PIEZO1: variants seen among roughly 807,000 people sequenced by gnomAD.
PIEZO1 encodes the protein piezo-type mechanosensitive ion channel component 1.
PIEZO1 carries 296 observed loss-of-function variants against 297.2 expected under a neutral mutation model. The ratio of observed to expected loss-of-function variants is 1.00; its 90% CI spans 0.91 to 1.10. The LOEUF is 1.10. Ranked by LOEUF, PIEZO1 falls within the 50% of genes least tolerant of loss-of-function variation. The pLI, the probability that PIEZO1 is intolerant of heterozygous loss-of-function variation, is 0.00. For synonymous variants in PIEZO1, 2,427 were observed against 1,507.5 expected (o/e 1.61, Z -14.13); for missense variants, 5,018 against 3,455.5 (o/e 1.45, Z -11.34).
At chr16:88,776,438 A>G (rs1476423709) in intron 1 of PIEZO1, among the ~76,000 whole-genome samples, 1 of 152,002 alleles carries the variant, frequency 6.6e-6, no homozygotes, top group Non-Finnish European at 1.5e-5. Flanking sequence ...TGTCTCAAAA[A>G]AAAAAAAGAA....
Position 88,720,156 on chromosome 16 carries a change from G to C in PIEZO1, c.6077C>G (p.Thr2026Ser), listed in dbSNP as rs1318182400. 1.9e-6 allele frequency: 3 copies of C among 1,550,484 alleles called. No homozygotes were observed. The highest frequency in any genetic ancestry group is 2.4e-5 in the South Asian group (2 of 84,070). Reference sequence around the variant, plus strand: ...CTGGAAGGCCAGCTTGCCCAGCACGGTCTTGCGCAGGTAGAGGGCGCGGTC... The same window carrying C: ...CTGGAAGGCCAGCTTGCCCAGCACGCTCTTGCGCAGGTAGAGGGCGCGGTC... ...VVDRALYLRK[T>S]VLGKLAFQVA... Residue 2026 changes from threonine (T) to serine (S), a missense_variant, in exon 42 of 51, where the codon ACC (threonine) becomes AGC (serine). Coordinates refer to ENST00000301015, the MANE Select transcript of PIEZO1 (RefSeq NM_001142864.4).
chr16:88,778,984 G>T (rs1907803608), intron 1 of PIEZO1, among the ~76,000 whole-genome samples: 1 of 152,066 alleles, frequency 6.6e-6, no homozygotes. Flanking sequence ...GAACAGGGGA[G>T]GACAGAGGTT....
At chr16:88,782,886 CT>C (rs1318858932) in intron 1 of PIEZO1, among the ~76,000 whole-genome samples, 1 of 152,242 alleles carries the variant, frequency 6.6e-6, no homozygotes, top group Admixed American at 6.5e-5. Context: ...CCACTTCCAT[CT>C]CCCCCAGGTG....
chr16:88,776,523 C>A (rs1233169530), intron 1 of PIEZO1, among the ~76,000 whole-genome samples: 1 of 152,152 alleles, frequency 6.6e-6, no homozygotes, highest in Non-Finnish European at 1.5e-5. Context: ...AGGGGCCCCA[C>A]TAGCTGCCCC....
intron 6 of PIEZO1, 51 bp downstream of exon 6, chr16:88,738,517 C>A: frequency 7.0e-6 from 1 of 143,240 alleles, no homozygotes; most frequent in Non-Finnish European, 8.6e-6. Flanking sequence ...TCAGGGAACT[C>A]CCAAGACCCC....
At chr16:88,732,215 A>ATGTGG in intron 21 of PIEZO1, 120 bp downstream of exon 21, 1 of 831,912 alleles carries the variant, frequency 1.2e-6, no homozygotes, top group Admixed American at 2.2e-5. Flanking sequence ...TGAGTCCCCC[A>ATGTGG]CCCTCTGTGG....
rs2142751200 is a variant in PIEZO1 at position 88,717,067 on chromosome 16, G to A, written c.6616C>T (p.Gln2206Ter). 1.3e-6 allele frequency: 2 copies of A among 1,550,970 alleles called. No individual in the cohort carries two copies. Among genetic ancestry groups the A allele is most frequent in the Non-Finnish European group, 1.7e-6 (2 of 1,147,064 alleles). ...AGGGTGACGGTGACATCGATGGGCTGGTTGACAACCCCAACCACGGAGCGC... is the reference window on the plus strand; with the variant it reads ...AGGGTGACGGTGACATCGATGGGCTAGTTGACAACCCCAACCACGGAGCGC... ...LVRSVVGVVNQPIDVTVTLKL... is the reference protein window; with the variant it reads ...LVRSVVGVVN The change falls in exon 45 of 51, where the codon CAG (glutamine) becomes TAG (stop). Residue 2206 changes from glutamine (Q) to a stop codon, truncating the protein, a stop_gained. Coordinates refer to ENST00000301015, the MANE Select transcript of PIEZO1 (RefSeq NM_001142864.4). LOFTEE classifies it high-confidence loss of function.
chr16:88,715,898 C>T (rs950280724), intron 50 of PIEZO1, 35 bp downstream of exon 50: 82 of 1,537,850 alleles, frequency 5.3e-5, no homozygotes, highest in Non-Finnish European at 6.7e-5. Context: ...CGGAGCCCCC[C>T]GAGCTGCGGG....
At chr16:88,762,891 T>C (rs564428806) in intron 1 of PIEZO1, among the ~76,000 whole-genome samples, 2 of 152,284 alleles carry the variant, frequency 1.3e-5, no homozygotes, top group African/African-American at 4.8e-5. Flanking sequence ...CCACAGGCTC[T>C]TTCCTGAGAC....
In PIEZO1 at chr16:88,755,789, C is replaced by G. The variant is rs147054352; in HGVS notation, c.65-6310G>C. Among the ~76,000 whole-genome samples, 183 of 152,296 alleles carry G rather than the reference C, an allele frequency of 1.2e-3. 5 individuals are homozygous for G. The East Asian group carries it at 0.033, about 28-fold the overall frequency. ...CCCAGGCCAAGAGCTGCAGAGCGGC[C>G]TCACAGGAGAGCCTCGGGCGGTGGA... On this transcript the variant is annotated intron_variant, in intron 1 of 50. Coordinates refer to ENST00000301015, the MANE Select transcript of PIEZO1 (RefSeq NM_001142864.4).
chr16:88,717,044 G>C lies in PIEZO1; in HGVS notation c.6639C>G (p.Thr2213=). The C allele has an allele frequency of 6.4e-7, 1 of 1,550,726 alleles. No individual in the cohort carries two copies. Among genetic ancestry groups the C allele is most frequent in the Non-Finnish European group, 8.7e-7 (1 of 1,146,984 alleles). Residue 2213 remains threonine (T), a synonymous_variant, in exon 45 of 51, where the codon ACC becomes ACG. Coordinates refer to ENST00000301015, the MANE Select transcript of PIEZO1 (RefSeq NM_001142864.4). The part of the protein sequence containing the change: ...VVNQPIDVTV[T]LKLGGYEPLF... ...TCACCTCATAGCCGCCCAGCTTCAGGGTGACGGTGACATCGATGGGCTGGT... is the reference window on the plus strand; with the variant it reads ...TCACCTCATAGCCGCCCAGCTTCAGCGTGACGGTGACATCGATGGGCTGGT...
intron 1 of PIEZO1, among the ~76,000 whole-genome samples, chr16:88,770,999 C>T (rs565380760): frequency 6.6e-6 from 1 of 152,202 alleles, no homozygotes; most frequent in Admixed American, 6.5e-5. Flanking sequence ...CATCTGCAGG[C>T]GGGGCCTGGG....
Position 88,724,993 on chromosome 16 carries a change from G to A in PIEZO1, c.4234+16C>T. 6.9e-7 allele frequency: 1 copy of A among 1,447,416 alleles called. No individual in the cohort carries two copies. The highest frequency in any genetic ancestry group is 2.8e-5 in the East Asian group (1 of 35,160). 89.7% of individuals were successfully genotyped at this position (1,447,416 alleles called of 1,614,324 possible). Reference sequence around the variant, plus strand: ...GGGCCTGAGAGGGTGGCCACAGGCGGCCTAATTGGGGGTACCTGTGGCGTG... The same window carrying A: ...GGGCCTGAGAGGGTGGCCACAGGCGACCTAATTGGGGGTACCTGTGGCGTG... On this transcript the variant is annotated intron_variant, in intron 30 of 50. Transcript: ENST00000301015.
chr16:88,737,875 C>G, intron 8 of PIEZO1, 59 bp downstream of exon 8: 1 of 1,532,880 alleles, frequency 6.5e-7, no homozygotes, highest in Non-Finnish European at 8.7e-7. Flanking sequence ...GGCAGGAGGT[C>G]CTGAGACCAG....
Position 88,733,584 on chromosome 16 carries a change from T to A in PIEZO1, c.2487+4A>T. On this transcript the variant is annotated splice_donor_region_variant and intron_variant, in intron 18 of 50. Transcript: ENST00000301015. The stretch of plus-strand genomic sequence containing the variant: ...TGGGAAGCTGAGTTGCCTGCCACAC[T>A]CACCTCCTTCAGGGCCACCCAGACG... The A allele has an allele frequency of 1.3e-6, 2 of 1,538,998 alleles. No individual in the cohort carries two copies. Among genetic ancestry groups the A allele is most frequent in the Non-Finnish European group, 1.8e-6 (2 of 1,139,162 alleles).
intron 1 of PIEZO1, among the ~76,000 whole-genome samples, chr16:88,766,706 G>A (rs887141061): frequency 1.3e-5 from 2 of 152,224 alleles, no homozygotes; most frequent in African/African-American, 4.8e-5. Context: ...AGCAACCAAG[G>A]GAAAAAAATC....
In PIEZO1 at chr16:88,784,212, C is replaced by T. The variant is rs558943484; in HGVS notation, c.64+689G>A. 5.1e-4 allele frequency among the ~76,000 whole-genome samples: 78 copies of T among 152,362 alleles called. 1 individual carries two copies. In the East Asian group the frequency reaches 8.7e-3, roughly 17 times the overall value. On this transcript the variant is annotated intron_variant, in intron 1 of 50. Transcript: ENST00000301015. ...GCCCCGCCCTGACACCAGGCCACAG[C>T]CTCCGGGGGTGTCCCCTCCCCCAGA... is the stretch of plus-strand genomic sequence containing the variant.
At chr16:88,781,372 G>C (rs538030163) in intron 1 of PIEZO1, among the ~76,000 whole-genome samples, 2 of 152,340 alleles carry the variant, frequency 1.3e-5, no homozygotes, top group East Asian at 3.9e-4. Context: ...GCTGCGGGAC[G>C]AGCACCCGCT....
intron 10 of PIEZO1, 163 bp from the exon 11 acceptor site, chr16:88,736,902 G>T: frequency 1.9e-6 from 1 of 513,276 alleles, no homozygotes; most frequent in South Asian, 2.4e-5. Context: ...GGCTGACACC[G>T]TCCCTGAGCG....
Sources: allele counts gnomAD v4.1 joint callset (sites outside exome capture counted in the v4.1 genomes callset), GRCh38; gene constraint gnomAD v4.1.1; transcripts MANE v1.5; gene names NCBI Gene and HGNC (gene_info 2026-07-23, HGNC 2026-07-21).